Variants in ADAMTS3 observed in about 807,000 individuals in gnomAD.
ADAMTS3 encodes the protein A disintegrin and metalloproteinase with thrombospondin motifs 3.
A neutral mutation model predicts 129.0 loss-of-function variants in ADAMTS3; 73 were observed. The ratio of observed to expected loss-of-function variants is 0.57; its 90% CI spans 0.47 to 0.69. The LOEUF is 0.69. Among genes scored for constraint, ADAMTS3 ranks in the 30% least tolerant of loss-of-function variants. The pLI is 0.00. For synonymous variants in ADAMTS3, 477 were observed against 510.8 expected (o/e 0.93, Z 0.89); for missense variants, 1,457 against 1,514.5 (o/e 0.96, Z 0.63).
chr4:72,532,096 T>G (rs1220236443), intron 3 of ADAMTS3, among the ~76,000 whole-genome samples: 1 of 149,296 alleles, frequency 6.7e-6, no homozygotes, highest in Non-Finnish European at 1.5e-5. Flanking sequence ...AAAAAGGAAG[T>G]CAGCTAGAAA....
intron 3 of ADAMTS3, among the ~76,000 whole-genome samples, chr4:72,467,075 C>T (rs543091683): frequency 1.3e-5 from 2 of 152,138 alleles, no homozygotes; most frequent in South Asian, 4.1e-4. Flanking sequence ...ATCTCCATCT[C>T]TAGCTAAAAA....
intron 3 of ADAMTS3, among the ~76,000 whole-genome samples, chr4:72,539,414 C>T (rs1721263079): frequency 6.8e-6 from 1 of 147,338 alleles, no homozygotes; most frequent in Admixed American, 6.9e-5. Flanking sequence ...TTCAACTTCA[C>T]TAACCATTAG....
Position 72,295,707 on chromosome 4 carries a change from T to C in ADAMTS3, c.2670A>G (p.Lys890=). ...MVHRSFCEAN[K]KPKPIRRMCN... ...ACATTCGTCTAATAGGTTTCGGCTT[T>C]TTGTTGGCCTCACAGAAGCTGCGAT... The change falls in exon 19 of 22, where the codon AAA becomes AAG. Residue 890 remains lysine, a synonymous_variant. Transcript: ENST00000286657. 1 of 1,613,042 alleles carries C rather than the reference T, an allele frequency of 6.2e-7. No individual in the cohort carries two copies. Among genetic ancestry groups the C allele is most frequent in the Non-Finnish European group, 8.5e-7 (1 of 1,179,206 alleles).
chr4:72,348,607 C>A (rs780685299), intron 4 of ADAMTS3, among the ~76,000 whole-genome samples: 2 of 151,886 alleles, frequency 1.3e-5, no homozygotes, highest in Non-Finnish European at 2.9e-5. Context: ...GTACAATTGA[C>A]CATAAGATAG....
intron 3 of ADAMTS3, among the ~76,000 whole-genome samples, chr4:72,481,130 A>G (rs1719423692): frequency 6.6e-6 from 1 of 152,200 alleles, no homozygotes; most frequent in Non-Finnish European, 1.5e-5. Context: ...AGTTTTTCCC[A>G]AACTTGTGAA....
At chr4:72,456,931 T>C (rs747350489) in intron 3 of ADAMTS3, among the ~76,000 whole-genome samples, 22 of 151,686 alleles carry the variant, frequency 1.5e-4, no homozygotes, top group Non-Finnish European at 2.4e-4. Flanking sequence ...AAAGTGAACA[T>C]ATTCAAAGTG....
chr4:72,382,622 G>A (rs1055608336), intron 4 of ADAMTS3, among the ~76,000 whole-genome samples: 7 of 152,054 alleles, frequency 4.6e-5, no homozygotes, highest in African/African-American at 1.7e-4. Context: ...GCAAAGTCAT[G>A]GACTCAAACT....
At chr4:72,333,296 ATC>A (rs1719897904) in intron 5 of ADAMTS3, among the ~76,000 whole-genome samples, 1 of 152,114 alleles carries the variant, frequency 6.6e-6, no homozygotes, top group Non-Finnish European at 1.5e-5. Flanking sequence ...ATTCTCCATA[ATC>A]TGTTTTTTTA....
Position 72,311,153 on chromosome 4 carries a change from C to G in ADAMTS3, c.1950G>C (p.Gln650His). ...DPKKRCHLYCQSKETGDVAYM... is the reference protein window; with the variant it reads ...DPKKRCHLYCHSKETGDVAYM... ...AAGCAACATCTCCAGTCTCCTTGGA[C>G]TGACAGTAAAGGTGGCATCTTTTCT... Residue 650 changes from glutamine (Q) to histidine (H), a missense_variant, in exon 14 of 22, where the codon CAG becomes CAC. Gln to His is a conservative substitution (Grantham distance 24). Coordinates refer to ENST00000286657, the MANE Select transcript of ADAMTS3 (RefSeq NM_014243.3). The G allele has an allele frequency of 6.2e-7, 1 of 1,611,854 alleles. No individual in the cohort carries two copies.
At chr4:72,421,113 A>T (rs1722433979) in intron 3 of ADAMTS3, among the ~76,000 whole-genome samples, 1 of 152,238 alleles carries the variant, frequency 6.6e-6, no homozygotes. Flanking sequence ...AATTCCTAAA[A>T]TCTAAACTCT....
intron 3 of ADAMTS3, among the ~76,000 whole-genome samples, chr4:72,471,683 C>T (rs1719077791): frequency 6.6e-6 from 1 of 151,908 alleles, no homozygotes; most frequent in Non-Finnish European, 1.5e-5. Context: ...AAAAACAATG[C>T]CATCTTCCTC....
chr4:72,423,811 G>A (rs1257331577), intron 3 of ADAMTS3, among the ~76,000 whole-genome samples: 1 of 152,032 alleles, frequency 6.6e-6, no homozygotes, highest in Non-Finnish European at 1.5e-5. Flanking sequence ...CAAACCAAAA[G>A]TACTATCTCT....
At chr4:72,520,791 T>C (rs997146753) in intron 3 of ADAMTS3, among the ~76,000 whole-genome samples, 44 of 152,152 alleles carry the variant, frequency 2.9e-4, no homozygotes, top group African/African-American at 9.6e-4. Flanking sequence ...CCCTTGTGCT[T>C]CCCGAGTGAG....
chr4:72,506,953 T>C (rs1720175831), intron 3 of ADAMTS3, among the ~76,000 whole-genome samples: 1 of 152,172 alleles, frequency 6.6e-6, no homozygotes, highest in South Asian at 2.1e-4. Flanking sequence ...TGAAGCACAC[T>C]AAAAGCCTCT....
At chr4:72,529,888 T>C (rs1218937003) in intron 3 of ADAMTS3, among the ~76,000 whole-genome samples, 3 of 68,654 alleles carry the variant, frequency 4.4e-5, no homozygotes, top group Non-Finnish European at 7.5e-5. Flanking sequence ...ATATAATATA[T>C]TATATATTAT....
At chr4:72,355,935 C>T (rs1395224128) in intron 4 of ADAMTS3, among the ~76,000 whole-genome samples, 1 of 151,910 alleles carries the variant, frequency 6.6e-6, no homozygotes, top group African/African-American at 2.4e-5. Context: ...TCCTATCTAC[C>T]ATGGACACTC....
intron 3 of ADAMTS3, among the ~76,000 whole-genome samples, chr4:72,539,398 G>C (rs2109775144): frequency 6.9e-6 from 1 of 143,932 alleles, no homozygotes; most frequent in South Asian, 2.2e-4. Flanking sequence ...GGCACACGAA[G>C]AGATGTTCAA....
rs151177298 is a variant in ADAMTS3, at chr4:72,568,706, T to C, written c.57A>G (p.Ser19=). Residue 19 remains serine, a synonymous_variant, in exon 1 of 22, where the codon TCA becomes TCG. Coordinates refer to ENST00000286657, the MANE Select transcript of ADAMTS3 (RefSeq NM_014243.3). ...IAAALVEVRT[S]ADGQAGNEEM... is the part of the protein sequence containing the mutation. ...ATTTTCCACTTACTTGTCCATCAGC[T>C]GAAGTCCTAACCTCTACCAGAGCGG... 9.7e-5 allele frequency: 157 copies of C among 1,613,360 alleles called. No homozygotes were observed. The Middle Eastern group carries it at 2.3e-3, about 24-fold the overall frequency.
At chr4:72,401,925 T>C (rs914547106) in intron 4 of ADAMTS3, among the ~76,000 whole-genome samples, 2 of 152,186 alleles carry the variant, frequency 1.3e-5, no homozygotes, top group African/African-American at 2.4e-5. Flanking sequence ...GGTAAGCCTT[T>C]GAAATAAACT....
Sources: allele counts gnomAD v4.1 joint callset (sites outside exome capture counted in the v4.1 genomes callset), GRCh38; gene constraint gnomAD v4.1.1; transcripts MANE v1.5; gene names NCBI Gene and HGNC (gene_info 2026-07-23, HGNC 2026-07-21).